The following AGBL4 variants were observed in gnomAD, a reference collection of about 807,000 sequenced individuals.
The protein encoded by AGBL4 is cytosolic carboxypeptidase 6.
A neutral mutation model predicts 66.4 loss-of-function variants in AGBL4; 58 were observed. The observed-to-expected ratio is 0.87, with a 90% CI of 0.71 to 1.09. The LOEUF is 1.09. Ranked by LOEUF, AGBL4 falls within the 50% of genes least tolerant of loss-of-function variation. The probability of loss-of-function intolerance (pLI) is 0.00; values close to 1 mark genes in which losing one functional copy is unlikely to be tolerated. For synonymous variants in AGBL4, 234 were observed against 222.9 expected (o/e 1.05, Z -0.44); for missense variants, 579 against 631.0 (o/e 0.92, Z 0.88).
At chr1:48,939,186 T>C (rs1345578415) in intron 5 of AGBL4, among the ~76,000 whole-genome samples, 2 of 152,332 alleles carry the variant, frequency 1.3e-5, no homozygotes, top group Middle Eastern at 3.4e-3. Flanking sequence ...GATTCATCAG[T>C]ATATACTTAG....
intron 3 of AGBL4, among the ~76,000 whole-genome samples, chr1:49,432,687 A>G (rs1198156724): frequency 6.6e-6 from 1 of 152,214 alleles, no homozygotes; most frequent in Non-Finnish European, 1.5e-5. Context: ...TAAAGCTCAA[A>G]CAAAATGGCA....
chr1:48,591,100 A>AC, intron 9 of AGBL4, 115 bp from the exon 10 acceptor site: 1 of 363,906 alleles, frequency 2.7e-6, no homozygotes, highest in Admixed American at 6.1e-5. Flanking sequence ...ACCCCCCCCC[A>AC]CACACACACA....
intron 2 of AGBL4, among the ~76,000 whole-genome samples, chr1:49,726,590 G>T (rs1309803975): frequency 2.6e-5 from 4 of 152,030 alleles, no homozygotes; most frequent in African/African-American, 9.7e-5. Context: ...TTTAATGACT[G>T]CAAAGGTCAG....
chr1:49,960,801 T>G (rs1657057143), intron 1 of AGBL4, among the ~76,000 whole-genome samples: 1 of 152,120 alleles, frequency 6.6e-6, no homozygotes, highest in African/African-American at 2.4e-5. Context: ...TCAGGTCATG[T>G]AGCTCATAAG....
At chr1:49,823,813 TACAC>T (rs1645434392) in intron 2 of AGBL4, among the ~76,000 whole-genome samples, 1 of 151,240 alleles carries the variant, frequency 6.6e-6, no homozygotes, top group African/African-American at 2.4e-5. Flanking sequence ...TGTGTGTACA[TACAC>T]ACACAGAAAC....
chr1:49,242,137 G>A (rs889887636), intron 4 of AGBL4, among the ~76,000 whole-genome samples: 3 of 151,806 alleles, frequency 2.0e-5, no homozygotes, highest in Admixed American at 6.6e-5. Flanking sequence ...CATTGTACCT[G>A]TTTATTTTTG....
chr1:49,056,444 T>C lies in AGBL4; in HGVS notation c.378-10644A>G, dbSNP rs79260687. ...GATGGCCAGGGAGGTAACCATTTAG[T>C]AGAACTCAAAGTGAGGAAATAAACT... On this transcript the variant is annotated intron_variant, in intron 4 of 13. Transcript: ENST00000371839. Among the ~76,000 whole-genome samples, 498 of 152,152 alleles carry C rather than the reference T, an allele frequency of 3.3e-3. 8 individuals carry two copies. Among genetic ancestry groups the C allele is most frequent in the African/African-American group, 0.011 (452 of 41,522 alleles).
At chr1:49,517,451 A>G (rs747748313) in intron 3 of AGBL4, among the ~76,000 whole-genome samples, 1 of 151,924 alleles carries the variant, frequency 6.6e-6, no homozygotes, top group African/African-American at 2.4e-5. Flanking sequence ...TCTCATCCCA[A>G]GGTTTTTGCT....
In AGBL4 at chr1:49,217,533, CCTT is replaced by C. The variant is rs921288777; in HGVS notation, c.377+28234_377+28236del. On this transcript the variant is annotated intron_variant, in intron 4 of 13. Coordinates refer to ENST00000371839, the MANE Select transcript of AGBL4 (RefSeq NM_032785.4). ...TGCACCCACCTTACACTTGATCTGTCCTTCTTATAGCACTGAGCACATTATATG... is the reference window on the plus strand; with the variant it reads ...TGCACCCACCTTACACTTGATCTGTCCTTATAGCACTGAGCACATTATATG... Among the ~76,000 whole-genome samples the C allele has an allele frequency of 2.6e-5, 4 of 152,102 alleles. 1 individual carries two copies. The highest frequency in any genetic ancestry group is 9.7e-5 in the African/African-American group (4 of 41,424).
At chr1:49,294,331 G>A (rs1570365352) in intron 3 of AGBL4, among the ~76,000 whole-genome samples, 1 of 152,178 alleles carries the variant, frequency 6.6e-6, no homozygotes, top group East Asian at 1.9e-4. Context: ...GAAACTACAT[G>A]CTAGAAGTTG....
intron 8 of AGBL4, among the ~76,000 whole-genome samples, chr1:48,642,519 T>C (rs1645773656): frequency 6.6e-6 from 1 of 152,042 alleles, no homozygotes; most frequent in South Asian, 2.1e-4. Flanking sequence ...AGTGACCAAC[T>C]GGAAGGACCT....
intron 3 of AGBL4, among the ~76,000 whole-genome samples, chr1:49,604,138 T>C (rs1645020464): frequency 6.6e-6 from 1 of 152,200 alleles, no homozygotes; most frequent in Non-Finnish European, 1.5e-5. Context: ...TTTTAGTTCT[T>C]TGAGAAATCT....
At chr1:49,856,393 A>G (rs570208717) in intron 1 of AGBL4, among the ~76,000 whole-genome samples, 19 of 152,220 alleles carry the variant, frequency 1.2e-4, no homozygotes, top group African/African-American at 4.3e-4. Flanking sequence ...TAAAAACAGC[A>G]TTACCTTGAT....
chr1:48,941,828 T>C (rs985987073), intron 5 of AGBL4, among the ~76,000 whole-genome samples: 1 of 152,188 alleles, frequency 6.6e-6, no homozygotes, highest in Non-Finnish European at 1.5e-5. Context: ...CTCAAAGTCA[T>C]GTAAGAGTTG....
intron 11 of AGBL4, among the ~76,000 whole-genome samples, chr1:48,556,228 A>G (rs1644319220): frequency 6.6e-6 from 1 of 152,184 alleles, no homozygotes; most frequent in South Asian, 2.1e-4. Context: ...CATGAGGCCA[A>G]CATATTTATC....
chr1:49,375,164 G>T (rs1644446448), intron 3 of AGBL4, among the ~76,000 whole-genome samples: 1 of 151,970 alleles, frequency 6.6e-6, no homozygotes, highest in Non-Finnish European at 1.5e-5. Flanking sequence ...TTTTGCTTGG[G>T]GCCTGTGAGA....
chr1:49,199,141 G>C (rs1012718101), intron 4 of AGBL4, among the ~76,000 whole-genome samples: 12 of 152,060 alleles, frequency 7.9e-5, no homozygotes, highest in Non-Finnish European at 1.6e-4. Context: ...AATCCTTACA[G>C]CTACTAAAAG....
intron 6 of AGBL4, among the ~76,000 whole-genome samples, chr1:48,694,049 A>C (rs1030635737): frequency 9.4e-6 from 1 of 106,158 alleles, no homozygotes; most frequent in Non-Finnish European, 1.7e-5. Context: ...TTCCCTATTC[A>C]AAAAAAAAAA....
chr1:49,594,635 T>C (rs904022497), intron 3 of AGBL4, among the ~76,000 whole-genome samples: 8 of 152,166 alleles, frequency 5.3e-5, no homozygotes, highest in Non-Finnish European at 8.8e-5. Flanking sequence ...TCTGTTCTTG[T>C]GTTAGTTTGC....
Sources: gnomAD v4.1 joint callset for allele counts (sites outside exome capture counted in the v4.1 genomes callset) on GRCh38, gnomAD v4.1.1 for gene constraint, MANE v1.5 for transcripts, NCBI Gene and HGNC (gene_info 2026-07-23, HGNC 2026-07-21) for gene names.